Variants in TSPEAR observed in about 807,000 individuals in gnomAD.
TSPEAR encodes thrombospondin type laminin G domain and EAR repeats, also known as thrombospondin-type laminin G domain and EAR repeat-containing protein.
TSPEAR carries 69 observed loss-of-function variants against 71.6 expected under a neutral mutation model. The observed-to-expected ratio is 0.96, with a 90% CI of 0.79 to 1.18. TSPEAR has a LOEUF of 1.18. TSPEAR is among the 50% of genes most tolerant of loss of function. The pLI is 0.00. For missense variants in TSPEAR, 971 were observed against 894.9 expected, an observed-to-expected ratio of 1.09 and a Z score of -1.09; for synonymous variants, 402 against 387.2, an observed-to-expected ratio of 1.04 and a Z score of -0.45.
chr21:44,646,320 G>A (rs1984354739), intron 1 of TSPEAR: 2 of 1,241,972 alleles, frequency 1.6e-6, no homozygotes, highest in Non-Finnish European at 1.1e-6. Flanking sequence ...AGAAAAGCTT[G>A]TGGAGCCTCC....
chr21:44,540,253 G>A (rs587654826), intron 2 of TSPEAR: 25 of 1,535,518 alleles, frequency 1.6e-5, no homozygotes, highest in Middle Eastern at 2.4e-4. Context: ...TGTGAGCTTC[G>A]TGGGGCTCTG....
intron 1 of TSPEAR, among the ~76,000 whole-genome samples, chr21:44,700,412 C>G (rs563232503): frequency 1.3e-5 from 2 of 152,100 alleles, no homozygotes; most frequent in African/African-American, 2.4e-5. Flanking sequence ...AATCCCTCAG[C>G]GATGAAGGAC....
chr21:44,589,154 TA>T (rs1400721520), intron 1 of TSPEAR, among the ~76,000 whole-genome samples: 2 of 152,076 alleles, frequency 1.3e-5, no homozygotes, highest in African/African-American at 4.8e-5. Flanking sequence ...CTAAATAAAA[TA>T]TAAAATAAAA....
intron 1 of TSPEAR, among the ~76,000 whole-genome samples, chr21:44,604,534 G>T (rs1445971708): frequency 6.6e-6 from 1 of 151,986 alleles, no homozygotes; most frequent in African/African-American, 2.4e-5. Flanking sequence ...CACATCATCA[G>T]CAGAGACAGT....
At chr21:44,540,207 AGTGT>A in intron 2 of TSPEAR, 1 of 1,585,166 alleles carries the variant, frequency 6.3e-7, no homozygotes, top group Non-Finnish European at 8.6e-7. Context: ...TGTGGGAGTC[AGTGT>A]GTGTGTGAGT....
At chr21:44,709,062 C>T (rs1195689301) in intron 1 of TSPEAR, among the ~76,000 whole-genome samples, 1 of 152,212 alleles carries the variant, frequency 6.6e-6, no homozygotes, top group Non-Finnish European at 1.5e-5. Flanking sequence ...GAGACGTGGC[C>T]GCCCTCGCAT....
At chr21:44,512,732 T>G (rs1223507293) in intron 9 of TSPEAR, among the ~76,000 whole-genome samples, 3 of 151,900 alleles carry the variant, frequency 2.0e-5, no homozygotes, top group African/African-American at 7.3e-5. Context: ...TGCATCTTGG[T>G]TGGAGCCCAA....
intron 2 of TSPEAR, among the ~76,000 whole-genome samples, chr21:44,554,745 T>C (rs1027459648): frequency 2.8e-4 from 42 of 152,212 alleles, no homozygotes; most frequent in Admixed American, 2.2e-3. Context: ...AAATAAGATC[T>C]ATTGTTAAAT....
chr21:44,575,052 A>G, intron 1 of TSPEAR: 1 of 1,563,462 alleles, frequency 6.4e-7, no homozygotes, highest in South Asian at 1.2e-5. Context: ...AGTGCCAGCC[A>G]GGCTCAGGTC....
At chr21:44,584,383 G>A (rs1050788410) in intron 1 of TSPEAR, among the ~76,000 whole-genome samples, 1 of 152,188 alleles carries the variant, frequency 6.6e-6, no homozygotes, top group Non-Finnish European at 1.5e-5. Flanking sequence ...TGTGACTAGT[G>A]CTGCAGTTAG....
At chr21:44,578,389 C>T (rs1169338848) in intron 1 of TSPEAR, among the ~76,000 whole-genome samples, 1 of 152,174 alleles carries the variant, frequency 6.6e-6, no homozygotes, top group African/African-American at 2.4e-5. Flanking sequence ...AGACTGGACT[C>T]ATAATTAAAA....
intron 2 of TSPEAR, among the ~76,000 whole-genome samples, chr21:44,534,385 A>T (rs587714012): frequency 1.5e-4 from 6 of 40,630 alleles, no homozygotes; most frequent in Admixed American, 3.4e-4. Flanking sequence ...CTGGTGTGTG[A>T]GGGGTGGGGC....
At chr21:44,708,921 G>A (rs1988075408) in intron 1 of TSPEAR, among the ~76,000 whole-genome samples, 1 of 152,250 alleles carries the variant, frequency 6.6e-6, no homozygotes, top group African/African-American at 2.4e-5. Context: ...CAAACGTAGG[G>A]GGAAGGGGAG....
intron 1 of TSPEAR, among the ~76,000 whole-genome samples, chr21:44,641,361 C>T (rs1320875766): frequency 6.6e-6 from 1 of 152,178 alleles, no homozygotes; most frequent in Non-Finnish European, 1.5e-5. Flanking sequence ...ACACTCTCAA[C>T]ACAGATGAAA....
Position 44,529,817 on chromosome 21 carries a change from C to G in TSPEAR, c.771G>C (p.Glu257Asp). 2 of 1,613,940 alleles carry G rather than the reference C, an allele frequency of 1.2e-6. No homozygotes were observed. Among genetic ancestry groups the G allele is most frequent in the Non-Finnish European group, 1.7e-6 (2 of 1,179,976 alleles). ...QALTGKPEDN[E>D]VLKYPYETNI... Reference sequence around the variant, plus strand: ...ACTAACCATAGGGATATTTTAGCACCTCGTTATCTTCTGGCTTCCCCGTGA... The same window carrying G: ...ACTAACCATAGGGATATTTTAGCACGTCGTTATCTTCTGGCTTCCCCGTGA... Residue 257 changes from glutamate to aspartate, a missense_variant, in exon 5 of 12, where the codon GAG becomes GAC. Transcript: ENST00000323084.
chr21:44,531,890 G>T (rs1178517548), intron 3 of TSPEAR, among the ~76,000 whole-genome samples: 3 of 152,244 alleles, frequency 2.0e-5, no homozygotes, highest in Non-Finnish European at 4.4e-5. Context: ...CGTGGCTAGA[G>T]CTCCTGGGCG....
chr21:44,576,363 G>A (rs1408569941), intron 1 of TSPEAR, among the ~76,000 whole-genome samples: 1 of 150,162 alleles, frequency 6.7e-6, no homozygotes, highest in Admixed American at 6.6e-5. Context: ...GGTGGGTGAG[G>A]GGGCAAACCT....
chr21:44,710,365 G>A lies in TSPEAR; in HGVS notation c.82+1068C>T, dbSNP rs1235732977. On this transcript the variant is annotated intron_variant, in intron 1 of 11. Transcript: ENST00000323084. The surrounding 1 kb of genome is among the most constrained non-coding windows in gnomAD (Gnocchi z 4.6). ...CCTCCCACTGCACAGCCCGAGGGCT[G>A]TCCTGGAGGCACAGCCATCCGTCCC... is the stretch of plus-strand genomic sequence containing the variant. Among the ~76,000 whole-genome samples, 2 of 152,118 alleles carry A rather than the reference G, an allele frequency of 1.3e-5. No homozygotes were observed. Among genetic ancestry groups the A allele is most frequent in the Non-Finnish European group, 2.9e-5 (2 of 68,016 alleles).
At chr21:44,538,963 A>G in intron 2 of TSPEAR, 2 of 475,504 alleles carry the variant, frequency 4.2e-6, no homozygotes, top group Non-Finnish European at 7.6e-6. Flanking sequence ...TCCCCCAGGA[A>G]CACAACAGAA....
Sources: allele counts gnomAD v4.1 joint callset (sites outside exome capture counted in the v4.1 genomes callset), GRCh38; gene constraint gnomAD v4.1.1; non-coding constraint Gnocchi (gnomAD v3.1); transcripts MANE v1.5; gene names NCBI Gene and HGNC (gene_info 2026-07-23, HGNC 2026-07-21).